SLC4A1AP: variants seen among roughly 807,000 people sequenced by gnomAD.
The protein encoded by SLC4A1AP is solute carrier family 4 member 1 adaptor protein, also known as kanadaptin.
A neutral mutation model predicts 89.7 loss-of-function variants in SLC4A1AP; 64 were observed. The observed-to-expected ratio is 0.71, with a 90% CI of 0.58 to 0.88. SLC4A1AP has a LOEUF of 0.88. Ranked by LOEUF, SLC4A1AP falls within the 40% of genes least tolerant of loss-of-function variation. SLC4A1AP has a pLI of 0.00. For synonymous variants in SLC4A1AP, 366 were observed against 353.3 expected (o/e 1.04, Z -0.40); for missense variants, 931 against 965.0 (o/e 0.96, Z 0.47).
At chr2:27,683,129 A>G (rs1369681698) in intron 9 of SLC4A1AP, among the ~76,000 whole-genome samples, 3 of 152,188 alleles carry the variant, frequency 2.0e-5, no homozygotes, top group Non-Finnish European at 1.5e-5. Context: ...ATGAGGAAAT[A>G]GAGTCAGAGA....
chr2:27,669,361 C>G, exon 5 of SLC4A1AP: 2 of 1,611,408 alleles, frequency 1.2e-6, no homozygotes, highest in Non-Finnish European at 8.5e-7. Flanking sequence ...ATTCTTGACA[C>G]TTTGGGATTG....
At chr2:27,682,297 T>C (rs1675631745) in exon 9 of SLC4A1AP, 1 of 1,613,866 alleles carries the variant, frequency 6.2e-7, no homozygotes, top group South Asian at 1.1e-5. Context: ...AAAGCTTACA[T>C]TGCCTCTATT....
intron 12 of SLC4A1AP, among the ~76,000 whole-genome samples, chr2:27,691,214 A>G (rs868727436): frequency 2.0e-5 from 3 of 151,832 alleles, no homozygotes; most frequent in African/African-American, 7.3e-5. Flanking sequence ...TACTGACTCA[A>G]TCTCACTGCT....
chr2:27,692,806 A>G (rs1483432433), intron 12 of SLC4A1AP: 1 of 152,134 alleles, frequency 6.6e-6, no homozygotes, highest in Non-Finnish European at 1.5e-5. Context: ...AAGAAAAGCT[A>G]CTGCTGCTTG....
chr2:27,664,236 C>T (rs779971086), exon 1 of SLC4A1AP: 1 of 1,614,190 alleles, frequency 6.2e-7, no homozygotes, highest in South Asian at 1.1e-5. Flanking sequence ...ATGGGGTGGC[C>T]CTGCCACAGC....
chr2:27,665,300 GAAATT>G lies in SLC4A1AP; in HGVS notation c.1021+9_1021+13del. The G allele has an allele frequency of 6.3e-7, 1 of 1,583,968 alleles. No individual in the cohort carries two copies. Among genetic ancestry groups the G allele is most frequent in the Non-Finnish European group, 8.6e-7 (1 of 1,167,478 alleles). On this transcript the variant is annotated splice_donor_region_variant and intron_variant, in intron 2 of 13. Transcript: ENST00000613058. ...TGGGTTGCACCTGGGGAATGGGTAA[GAAATT>G]AAAATTGCTGCCGGAGGTTAATATT...
intron 6 of SLC4A1AP, among the ~76,000 whole-genome samples, chr2:27,676,829 CAA>C (rs150750243): frequency 1.1e-3 from 102 of 96,050 alleles, no homozygotes; most frequent in Non-Finnish European, 1.5e-3. Context: ...GACTCCATCT[CAA>C]AAAAAAAAAA....
rs1373333346 is a variant in SLC4A1AP, at chr2:27,677,766, T to C, written c.1605T>C (p.Ser535=). The change falls in exon 8 of 14, where the codon TCT becomes TCC. Residue 535 remains serine, a synonymous_variant. Coordinates refer to ENST00000613058, the Ensembl canonical transcript of SLC4A1AP. ...TATCAGAGTCTCCATCTCAGGATTC[T>C]TTAGATGCGTTCATGTCAGAAATGA... 7 of 1,610,576 alleles carry C rather than the reference T, an allele frequency of 4.3e-6. No individual in the cohort carries two copies. In the Admixed American group the frequency reaches 8.5e-5, roughly 19 times the overall value.
chr2:27,676,073 A>G (rs941811471), intron 6 of SLC4A1AP, among the ~76,000 whole-genome samples: 47 of 152,222 alleles, frequency 3.1e-4, no homozygotes, highest in African/African-American at 1.0e-3. Context: ...GTATGGTAAT[A>G]TGTAGTCTGA....
chr2:27,688,805 C>T, intron 12 of SLC4A1AP, 38 bp downstream of exon 12: 2 of 1,478,832 alleles, frequency 1.4e-6, no homozygotes, highest in Non-Finnish European at 1.9e-6. Flanking sequence ...AAATGAATCC[C>T]TTTGTCATGG....
intron 10 of SLC4A1AP, among the ~76,000 whole-genome samples, chr2:27,686,111 C>T (rs962358430): frequency 6.6e-6 from 1 of 152,134 alleles, no homozygotes; most frequent in Non-Finnish European, 1.5e-5. Flanking sequence ...ACAATAAAAA[C>T]TGGCACTGAA....
chr2:27,674,556 A>G (rs1675482324), intron 5 of SLC4A1AP, among the ~76,000 whole-genome samples: 1 of 151,886 alleles, frequency 6.6e-6, no homozygotes, highest in Non-Finnish European at 1.5e-5. Flanking sequence ...GATGAGAAGT[A>G]TCTAATTTTT....
chr2:27,692,752 C>T (rs192453241), intron 12 of SLC4A1AP: 1 of 151,910 alleles, frequency 6.6e-6, no homozygotes, highest in East Asian at 1.9e-4. Context: ...CCTTCTTTGT[C>T]TTTTTTTCAG....
rs750921423 is a variant in SLC4A1AP at position 27,669,397 on chromosome 2, T to C, written c.1345+10T>C. ...CTTCGGCAGGAAGCAGGTCAGTATA[T>C]AGGAGCCCTTTTTTTCTAGATTTAA... On this transcript the variant is annotated intron_variant, in intron 5 of 13. Transcript: ENST00000613058. The C allele has an allele frequency of 6.7e-7, 1 of 1,487,600 alleles. No homozygotes were observed. Among genetic ancestry groups the C allele is most frequent in the East Asian group, 2.5e-5 (1 of 40,794 alleles). The allele number at this position is 1,487,600 out of a possible 1,614,324, so 92.2% of individuals were successfully genotyped here. A position where few individuals can be genotyped will look rare whatever the true frequency, so the allele number is the denominator to read the frequency against.
At chr2:27,673,397 AC>A (rs1675459630) in intron 5 of SLC4A1AP, among the ~76,000 whole-genome samples, 2 of 49,334 alleles carry the variant, frequency 4.1e-5, no homozygotes, top group Non-Finnish European at 7.3e-5. Flanking sequence ...CCTTTCCCTT[AC>A]TTTCCCTCCC....
intron 5 of SLC4A1AP, among the ~76,000 whole-genome samples, chr2:27,674,074 A>G (rs2148133989): frequency 6.6e-6 from 1 of 152,224 alleles, no homozygotes; most frequent in African/African-American, 2.4e-5. Flanking sequence ...TAAACTTTGC[A>G]GACAGATTCT....
intron 10 of SLC4A1AP, among the ~76,000 whole-genome samples, chr2:27,686,235 A>G (rs1284728567): frequency 6.6e-6 from 1 of 152,216 alleles, no homozygotes; most frequent in Non-Finnish European, 1.5e-5. Context: ...TCTGGGAAAC[A>G]GAAAAGTTAC....
intron 8 of SLC4A1AP, 136 bp from the exon 9 acceptor site, chr2:27,682,112 T>G: frequency 1.7e-6 from 1 of 599,154 alleles, no homozygotes; most frequent in Non-Finnish European, 3.0e-6. Flanking sequence ...ACCTCTTTCT[T>G]ATTGTTATAT....
At chr2:27,693,377 C>T in intron 12 of SLC4A1AP, 1 of 295,114 alleles carries the variant, frequency 3.4e-6, no homozygotes, top group South Asian at 9.5e-5. Flanking sequence ...TTTATAGGCC[C>T]TGTGAGTTTT....
Sources: gnomAD v4.1 joint callset for allele counts (sites outside exome capture counted in the v4.1 genomes callset) on GRCh38, gnomAD v4.1.1 for gene constraint, MANE v1.5 for transcripts, NCBI Gene and HGNC (gene_info 2026-07-23, HGNC 2026-07-21) for gene names.